The following KRT79 variants were observed in gnomAD, a reference collection of about 807,000 sequenced individuals.
KRT79 encodes keratin 79.
A neutral mutation model predicts 49.0 loss-of-function variants in KRT79; 51 were observed. The observed-to-expected ratio is 1.04, with a 90% CI of 0.83 to 1.31. The LOEUF is 1.31. KRT79 is among the 40% of genes most tolerant of loss of function. The pLI, the probability that KRT79 is intolerant of heterozygous loss-of-function variation, is 0.00. For missense variants in KRT79, 728 were observed against 688.0 expected (o/e 1.06, Z -0.65); for synonymous variants, 312 against 286.6 (o/e 1.09, Z -0.90).
At chr12:52,828,827 A>G (rs1225683505) in intron 4 of KRT79, among the ~76,000 whole-genome samples, 1 of 152,212 alleles carries the variant, frequency 6.6e-6, no homozygotes, top group Non-Finnish European at 1.5e-5. Context: ...CATCTTCTGA[A>G]TACTTCACTA....
chr12:52,831,453 G>T lies in KRT79; in HGVS notation c.651C>A (p.Asp217Glu), dbSNP rs745721162. 6.2e-7 allele frequency: 1 copy of T among 1,614,078 alleles called. No individual in the cohort carries two copies. The highest frequency in any genetic ancestry group is 1.3e-5 in the African/African-American group (1 of 74,934). Residue 217 changes from aspartate (D) to glutamate (E), a missense_variant, in exon 2 of 9, where the codon GAC becomes GAA. Physicochemically the swap from Asp to Glu is conservative, Grantham distance 45. Transcript: ENST00000330553. ...GGTCCTGCACGTTCCTGAGCTCTGA[G>T]TCCAGCCTCCCCCGCTCGCTCTGAA... The part of the protein sequence containing the change: ...DRLQSERGRL[D>E]SELRNVQDLV...
chr12:52,834,071 T>TCGGCTGCC lies in KRT79; in HGVS notation c.189_190insGGCAGCCG (p.Asn64GlyfsTer64). The TCGGCTGCC allele has an allele frequency of 6.2e-7, 1 of 1,613,176 alleles. No individual in the cohort carries two copies. Among genetic ancestry groups the TCGGCTGCC allele is most frequent in the South Asian group, 1.1e-5 (1 of 91,052 alleles). On this transcript the variant is annotated frameshift_variant, in exon 1 of 9. Coordinates refer to ENST00000330553, the MANE Select transcript of KRT79 (RefSeq NM_175834.3). LOFTEE classifies it high-confidence loss of function. ...GAGATACTCTTGTGGCCCCCCAAGT[T>TCGGCTGCC]ATAGAGGCTTCGGCTGCCAAAGCCA...
chr12:52,833,698 C>T (rs1405751601), intron 1 of KRT79, 86 bp downstream of exon 1: 2 of 1,071,306 alleles, frequency 1.9e-6, no homozygotes, highest in Non-Finnish European at 2.9e-6. Context: ...TACAAGTGGG[C>T]TACAGCAGCC....
rs534383390 is a variant in KRT79 at position 52,822,049 on chromosome 12, G to A, written c.1431C>T (p.Cys477=). ...ISVTGNSTTV[C]GGGAASFGGG... The stretch of plus-strand genomic sequence containing the variant: ...CTCCAAAGCTGGCTGCGCCACCTCC[G>A]CACACAGTGGTGGAGTTGCCAGTCA... The change falls in exon 9 of 9, where the codon TGC becomes TGT. Residue 477 remains cysteine (C), a synonymous_variant. Coordinates refer to ENST00000330553, the MANE Select transcript of KRT79 (RefSeq NM_175834.3). 79 of 1,614,028 alleles carry A rather than the reference G, an allele frequency of 4.9e-5. No individual in the cohort carries two copies. In the East Asian group the frequency reaches 1.2e-3, roughly 25 times the overall value.
At position 52,822,020 on chromosome 12, in the gene KRT79, C is replaced by T. The variant is rs781741279; in HGVS notation, c.1460G>A (p.Gly487Asp). ...CCCCCCACTCCCACCCAGGGAGATGCCACCTCCAAAGCTGGCTGCGCCACC... is the reference window on the plus strand; with the variant it reads ...CCCCCCACTCCCACCCAGGGAGATGTCACCTCCAAAGCTGGCTGCGCCACC... ...CGGGAASFGG[G>D]ISLGGSGGAT... Residue 487 changes from glycine to aspartate, a missense_variant, in exon 9 of 9, where the codon GGC becomes GAC. Transcript: ENST00000330553. The T allele has an allele frequency of 2.5e-6, 4 of 1,614,094 alleles. No homozygotes were observed. The highest frequency in any genetic ancestry group is 2.2e-5 in the South Asian group (2 of 91,078).
chr12:52,831,358 C>G (rs1202661155), intron 2 of KRT79, 48 bp downstream of exon 2: 1 of 1,570,880 alleles, frequency 6.4e-7, no homozygotes, highest in Admixed American at 1.7e-5. Context: ...AGGTTTCCCA[C>G]TGCCCCTCCT....
At chr12:52,832,449 G>T (rs1031466586) in intron 1 of KRT79, among the ~76,000 whole-genome samples, 4 of 151,122 alleles carry the variant, frequency 2.6e-5, no homozygotes, top group Admixed American at 2.0e-4. Flanking sequence ...TACGGTGTGG[G>T]TTTAACAGGA....
At chr12:52,827,577 C>T (rs936577473) in intron 4 of KRT79, among the ~76,000 whole-genome samples, 5 of 152,088 alleles carry the variant, frequency 3.3e-5, no homozygotes, top group African/African-American at 1.2e-4. Flanking sequence ...AGAAAACTTC[C>T]CAGTAAGTTC....
chr12:52,822,580 G>A (rs553048853), intron 7 of KRT79, among the ~76,000 whole-genome samples: 2 of 152,352 alleles, frequency 1.3e-5, no homozygotes, highest in East Asian at 3.9e-4. Context: ...CCAGTAGGCT[G>A]TGCCAACTCC....
intron 4 of KRT79, among the ~76,000 whole-genome samples, chr12:52,826,268 A>G (rs1271108306): frequency 6.6e-6 from 1 of 152,162 alleles, no homozygotes; most frequent in Non-Finnish European, 1.5e-5. Context: ...AGGCTTGGCC[A>G]GGTGCAGTGG....
At chr12:52,828,382 C>T (rs533651613) in intron 4 of KRT79, among the ~76,000 whole-genome samples, 1 of 152,312 alleles carries the variant, frequency 6.6e-6, no homozygotes, top group African/African-American at 2.4e-5. Context: ...ACCCACAGGA[C>T]TTTGTTTTAG....
In KRT79 at chr12:52,831,436, A is replaced by C. The variant is rs1940253153; in HGVS notation, c.668T>G (p.Val223Gly). The change falls in exon 2 of 9, where the codon GTG becomes GGG. Residue 223 changes from valine to glycine, a missense_variant. By Grantham distance (109) the Val-to-Gly change is moderately radical. Transcript: ENST00000330553. ...RGRLDSELRN[V>G]QDLVEDFKNK... ...CTTGAAGTCCTCCACAAGGTCCTGC[A>C]CGTTCCTGAGCTCTGAGTCCAGCCT... is the stretch of plus-strand genomic sequence containing the variant. 1.2e-6 allele frequency: 2 copies of C among 1,614,038 alleles called. No individual in the cohort carries two copies. Among genetic ancestry groups the C allele is most frequent in the Admixed American group, 1.7e-5 (1 of 59,998 alleles).
chr12:52,822,375 A>T lies in KRT79; in HGVS notation c.1372T>A (p.Ser458Thr). The change falls in exon 8 of 9, where the codon TCT becomes ACT. Residue 458 changes from serine to threonine, a missense_variant. By Grantham distance (58) the Ser-to-Thr change is moderately conservative (BLOSUM62 1). Transcript: ENST00000330553. ...CTGACTGCACTGGGACATTCTCCAG[A>T]CATCCTAGGGGACACAGAAAGGCCA... is the stretch of plus-strand genomic sequence containing the variant. ...KLLESEESRM[S>T]GECPSAVSIS... 2 of 1,598,212 alleles carry T rather than the reference A, an allele frequency of 1.3e-6. No homozygotes were observed. The highest frequency in any genetic ancestry group is 2.2e-5 in the East Asian group (1 of 44,708).
Position 52,834,244 on chromosome 12 carries a change from G to A in KRT79, c.17C>T (p.Ser6Phe). The A allele has an allele frequency of 6.2e-7, 1 of 1,613,322 alleles. No individual in the cohort carries two copies. Among genetic ancestry groups the A allele is most frequent in the Non-Finnish European group, 8.5e-7 (1 of 1,179,998 alleles). Reference protein sequence around the residue: MRSSVSRQTYSTKGGF... With the variant: MRSSVFRQTYSTKGGF... Reference sequence around the variant, plus strand: ...CCCTTTTGTGGAGTATGTTTGCCGAGAGACGGAGGACCTCATAGCTGCAGA... The same window carrying A: ...CCCTTTTGTGGAGTATGTTTGCCGAAAGACGGAGGACCTCATAGCTGCAGA... Residue 6 changes from serine (S) to phenylalanine (F), a missense_variant, in exon 1 of 9, where the codon TCT becomes TTT. Physicochemically the swap from Ser to Phe is radical, Grantham distance 155 (BLOSUM62 -2). Transcript: ENST00000330553.
intron 4 of KRT79, among the ~76,000 whole-genome samples, chr12:52,829,737 C>T (rs1000573135): frequency 3.3e-5 from 5 of 152,156 alleles, no homozygotes; most frequent in Admixed American, 1.3e-4. Context: ...TCCATCTCTA[C>T]TAAAAATACA....
At position 52,830,358 on chromosome 12, in the gene KRT79, C is replaced by T. The variant is rs1452573272; in HGVS notation, c.699-66G>A. The T allele has an allele frequency of 2.1e-6, 3 of 1,426,910 alleles. 1 individual carries two copies. The highest frequency in any genetic ancestry group is 2.3e-5 in the South Asian group (2 of 87,212). 88.4% of individuals were successfully genotyped at this position (1,426,910 alleles called of 1,614,324 possible). A position where few individuals can be genotyped will look rare whatever the true frequency, so the allele number is the denominator to read the frequency against. ...CTGCCTTTCAGGCATGGGACCCACT[C>T]AGCCTTACAGAAGCCCTGATGGGTC... On this transcript the variant is annotated intron_variant, in intron 2 of 8. Transcript: ENST00000330553.
At chr12:52,824,091 G>T in intron 5 of KRT79, 79 bp from the exon 6 acceptor site, 1 of 1,612,492 alleles carries the variant, frequency 6.2e-7, no homozygotes, top group Non-Finnish European at 8.5e-7. Context: ...TGCAAGTTGA[G>T]TATATCTGGC....
intron 1 of KRT79, among the ~76,000 whole-genome samples, 197 bp downstream of exon 1, chr12:52,833,587 C>T (rs940460584): frequency 1.3e-5 from 2 of 152,134 alleles, no homozygotes; most frequent in African/African-American, 4.8e-5. Flanking sequence ...TCCCCCCGCA[C>T]AGGCACGGTG....
chr12:52,831,309 G>C (rs1245138160), intron 2 of KRT79, 97 bp downstream of exon 2: 1 of 1,139,530 alleles, frequency 8.8e-7, no homozygotes, highest in Non-Finnish European at 1.3e-6. Flanking sequence ...CATCCCCCAG[G>C]TGGGCCTGGG....
Sources: gnomAD v4.1 joint callset for allele counts (sites outside exome capture counted in the v4.1 genomes callset) on GRCh38, gnomAD v4.1.1 for gene constraint, MANE v1.5 for transcripts, NCBI Gene and HGNC (gene_info 2026-07-23, HGNC 2026-07-21) for gene names.